PFKFB2: variants seen among roughly 807,000 people sequenced by gnomAD.
PFKFB2 encodes the protein 6-phosphofructo-2-kinase/fructose-2,6-bisphosphatase 2.
Under a neutral mutation model 68.0 loss-of-function variants are expected in PFKFB2, and 53 were observed. The observed-to-expected ratio is 0.78, with a 90% CI of 0.63 to 0.98. The LOEUF (loss-of-function observed/expected upper bound fraction) is 0.98. Ranked by LOEUF, PFKFB2 falls within the 50% of genes least tolerant of loss-of-function variation. The probability of loss-of-function intolerance (pLI) is 0.00; values close to 1 mark genes in which losing one functional copy is unlikely to be tolerated. For missense variants in PFKFB2, 451 were observed against 642.0 expected (o/e 0.70, Z 3.22); for synonymous variants, 222 against 227.6 (o/e 0.98, Z 0.22).
chr1:207,040,997 C>T (rs1202780647), intron 1 of PFKFB2, among the ~76,000 whole-genome samples: 2 of 142,984 alleles, frequency 1.4e-5, no homozygotes, highest in African/African-American at 5.3e-5. Flanking sequence ...GGCGCTATCT[C>T]GGCTCACTGC....
chr1:207,052,238 T>G, upstream of PFKFB2: 1 of 1,611,842 alleles, frequency 6.2e-7, no homozygotes. Context: ...GTTTCCATCT[T>G]TTCACATCTT....
chr1:207,071,426 C>T, intron 13 of PFKFB2, 83 bp from the exon 14 acceptor site: 16 of 1,201,158 alleles, frequency 1.3e-5, no homozygotes, highest in Non-Finnish European at 2.0e-5. Flanking sequence ...TGCGTACATT[C>T]CTTTGTGGTA....
chr1:207,069,343 C>A, intron 10 of PFKFB2, 81 bp from the exon 11 acceptor site: 1 of 940,644 alleles, frequency 1.1e-6, no homozygotes, highest in Non-Finnish European at 1.7e-6. Context: ...TAGCATTCTT[C>A]AATGTCATCT....
chr1:207,063,399 T>C lies in PFKFB2; in HGVS notation c.428T>C (p.Phe143Ser). The C allele has an allele frequency of 3.1e-6, 5 of 1,613,596 alleles. No individual in the cohort carries two copies. Among genetic ancestry groups the C allele is most frequent in the Non-Finnish European group, 4.2e-6 (5 of 1,179,592 alleles). The change falls in exon 6 of 15, where the codon TTT (phenylalanine) becomes TCT (serine). Residue 143 changes from phenylalanine to serine, a missense_variant. Coordinates refer to ENST00000367080, the MANE Select transcript of PFKFB2 (RefSeq NM_006212.2). This position sits in a 1 kb window ranked among gnomAD's most constrained non-coding sequence, Gnocchi z 4.1. ...TRERRDMILN[F>S]AEQNSFKVFF... Reference sequence around the variant, plus strand: ...GAGAGGAGGGACATGATTTTGAACTTTGCTGAACAGAATTCCTTCAAGGTA... The same window carrying C: ...GAGAGGAGGGACATGATTTTGAACTCTGCTGAACAGAATTCCTTCAAGGTA...
At chr1:207,077,920 G>A, downstream of PFKFB2, 1 of 443,704 alleles carries the variant, frequency 2.3e-6, no homozygotes, top group Non-Finnish European at 3.0e-6. Flanking sequence ...TTCAGACTCA[G>A]ACAAGCCAAC....
At chr1:207,049,459 C>T (rs1292404647), upstream of PFKFB2, 8 of 1,614,042 alleles carry the variant, frequency 5.0e-6, no homozygotes, top group Non-Finnish European at 5.9e-6. Flanking sequence ...ATTTGTTTTT[C>T]CCAGTATTGC....
chr1:207,079,719 C>T (rs1446854866), downstream of PFKFB2: 2 of 152,276 alleles, frequency 1.3e-5, no homozygotes, highest in African/African-American at 2.4e-5. Context: ...GTACTTTTGA[C>T]TTGATGCATG....
upstream of PFKFB2, chr1:207,048,370 C>T (rs1238467687): frequency 6.5e-6 from 1 of 152,886 alleles, no homozygotes; most frequent in Admixed American, 6.5e-5. Flanking sequence ...TTGTGATGTA[C>T]TTATCAGTGG....
At chr1:207,054,673 T>C in intron 1 of PFKFB2, 28 bp from the exon 2 acceptor site, 1 of 1,484,984 alleles carries the variant, frequency 6.7e-7, no homozygotes, top group Non-Finnish European at 9.3e-7. Context: ...TCCCCTTCCC[T>C]TTTTTACATT....
upstream of PFKFB2, among the ~76,000 whole-genome samples, chr1:207,052,639 C>T (rs1311760719): frequency 6.6e-6 from 1 of 150,910 alleles, no homozygotes; most frequent in Non-Finnish European, 1.5e-5. Context: ...GCAACAAGAG[C>T]AAAACTCCAT....
upstream of PFKFB2, chr1:207,052,915 G>A (rs924705978): frequency 6.6e-6 from 1 of 152,242 alleles, no homozygotes; most frequent in Admixed American, 6.5e-5. Context: ...GAATGAGAGC[G>A]TTAATCTTTG....
At position 207,069,034 on chromosome 1, in the gene PFKFB2, C is replaced by T. The variant is rs533863395; in HGVS notation, c.988-390C>T. On this transcript the variant is annotated intron_variant, in intron 10 of 14. Transcript: ENST00000367080. ...TGTTGGGATTACAGGCATGAGCCACCGTGCCCGGCCGACATTTCTTTTTCT... is the reference window on the plus strand; with the variant it reads ...TGTTGGGATTACAGGCATGAGCCACTGTGCCCGGCCGACATTTCTTTTTCT... 7.2e-5 allele frequency among the ~76,000 whole-genome samples: 11 copies of T among 152,310 alleles called. 1 individual carries two copies. Among genetic ancestry groups the T allele is most frequent in the Admixed American group, 2.0e-4 (3 of 15,300 alleles).
rs897749667 is a variant in PFKFB2, at chr1:207,073,658, G to A, written c.*1287G>A. The A allele has an allele frequency of 1.7e-5, 17 of 984,554 alleles. No individual in the cohort carries two copies. Among genetic ancestry groups the A allele is most frequent in the Non-Finnish European group, 1.9e-5 (16 of 829,298 alleles). The allele number at this position is 984,554 out of a possible 1,614,324, so 61.0% of individuals were successfully genotyped here. A position where few individuals can be genotyped will look rare whatever the true frequency, so the allele number is the denominator to read the frequency against. On this transcript the variant is annotated 3_prime_UTR_variant, in exon 15 of 15. Coordinates refer to ENST00000367080, the MANE Select transcript of PFKFB2 (RefSeq NM_006212.2). Reference sequence around the variant, plus strand: ...ATCTTGATGTCCAGAGAAGTCCTTGGAACCCTGTGGGATCTAGCTCGTAAC... The same window carrying A: ...ATCTTGATGTCCAGAGAAGTCCTTGAAACCCTGTGGGATCTAGCTCGTAAC...
Position 207,070,976 on chromosome 1 carries a change from G to A in PFKFB2, c.1223-212G>A, listed in dbSNP as rs1384782129. Among the ~76,000 whole-genome samples, 1 of 152,062 alleles carries A rather than the reference G, an allele frequency of 6.6e-6. No homozygotes were observed. Among genetic ancestry groups the A allele is most frequent in the Admixed American group, 6.5e-5 (1 of 15,268 alleles). ...CAATACTTCCTGTTTTTGCCTGCGT[G>A]GAAGGATCTAAGATGGCCTTATTTC... On this transcript the variant is annotated intron_variant, in intron 12 of 14. Coordinates refer to ENST00000367080, the MANE Select transcript of PFKFB2 (RefSeq NM_006212.2). The surrounding 1 kb of genome is among the most constrained non-coding windows in gnomAD (Gnocchi z 4.2).
Position 207,075,006 on chromosome 1 carries a change from C to T in PFKFB2, c.*2635C>T. ...TCCACATTTGCTTGGATGGTGGCAT[C>T]TGTAGCCCAAATGGGCATTCAGTCT... is the stretch of plus-strand genomic sequence containing the variant. On this transcript the variant is annotated 3_prime_UTR_variant, in exon 15 of 15. Transcript: ENST00000367080. 1.0e-6 allele frequency: 1 copy of T among 985,448 alleles called. No individual in the cohort carries two copies. Among genetic ancestry groups the T allele is most frequent in the Non-Finnish European group, 1.2e-6 (1 of 829,950 alleles). 61.0% of individuals were successfully genotyped at this position (985,448 alleles called of 1,614,324 possible). A position where few individuals can be genotyped will look rare whatever the true frequency, so the allele number is the denominator to read the frequency against.
rs768555950 is a variant in PFKFB2 at position 207,072,290 on chromosome 1, A to G, written c.1437A>G (p.Pro479=). Residue 479 remains proline, a synonymous_variant, in exon 15 of 15, where the codon CCA becomes CCG. Transcript: ENST00000367080. The part of the protein sequence containing the change: ...PLSSSNTIRR[P]RNYSVGSRPL... ...CCAGTTCGAATACAATAAGGCGTCC[A>G]AGAAATTACAGTGTTGGGAGCCGGC... is the stretch of plus-strand genomic sequence containing the variant. 4 of 1,614,092 alleles carry G rather than the reference A, an allele frequency of 2.5e-6. 1 individual carries two copies. Among genetic ancestry groups the G allele is most frequent in the Admixed American group, 1.7e-5 (1 of 60,006 alleles).
chr1:207,051,167 T>G (rs1325456239), upstream of PFKFB2: 8 of 1,411,938 alleles, frequency 5.7e-6, no homozygotes, highest in Non-Finnish European at 7.4e-6. Context: ...TAAACCTCCG[T>G]ATTCCTAAAG....
Position 207,063,341 on chromosome 1 carries a change from TCA to T in PFKFB2, c.376-3_376-2del. ...TGCTCATTTACCTTGTGTACTTTCT[TCA>T]CAGGTGTTTGATGCCACCAATACAA... On this transcript the variant is annotated splice_polypyrimidine_tract_variant and splice_region_variant and intron_variant, in intron 5 of 14. Transcript: ENST00000367080. The surrounding 1 kb of genome is among the most constrained non-coding windows in gnomAD (Gnocchi z 4.1). 1 of 1,611,350 alleles carries T rather than the reference TCA, an allele frequency of 6.2e-7. No homozygotes were observed. Among genetic ancestry groups the T allele is most frequent in the Non-Finnish European group, 8.5e-7 (1 of 1,177,468 alleles).
chr1:207,063,849 A>G lies in PFKFB2; in HGVS notation c.507+20A>G, dbSNP rs765909200. ...ATTCTGGTTGGTGACACCCCTACAT[A>G]TCATCTCCTCTTCACCTTTTGTGCT... On this transcript the variant is annotated intron_variant, in intron 7 of 14. Coordinates refer to ENST00000367080, the MANE Select transcript of PFKFB2 (RefSeq NM_006212.2). This position sits in a 1 kb window ranked among gnomAD's most constrained non-coding sequence, Gnocchi z 4.1. The G allele has an allele frequency of 1.9e-6, 3 of 1,581,548 alleles. No individual in the cohort carries two copies. Among genetic ancestry groups the G allele is most frequent in the East Asian group, 4.5e-5 (2 of 44,712 alleles).
Sources: allele counts gnomAD v4.1 joint callset (sites outside exome capture counted in the v4.1 genomes callset), GRCh38; gene constraint gnomAD v4.1.1; non-coding constraint Gnocchi (gnomAD v3.1); transcripts MANE v1.5; gene names NCBI Gene and HGNC (gene_info 2026-07-23, HGNC 2026-07-21).